Variants in NEK5 observed in about 807,000 individuals in gnomAD.
NEK5 encodes serine/threonine-protein kinase Nek5.
In NEK5, 88 loss-of-function variants were observed where a neutral mutation model predicts 109.2. The observed-to-expected ratio is 0.81, with a 90% CI of 0.68 to 0.96. The LOEUF (loss-of-function observed/expected upper bound fraction) is 0.96. Among genes scored for constraint, NEK5 ranks in the 40% least tolerant of loss-of-function variants. NEK5 has a pLI of 0.00. For synonymous variants in NEK5, 283 were observed against 299.9 expected (o/e 0.94, Z 0.58); for missense variants, 834 against 920.7 (o/e 0.91, Z 1.22).
chr13:52,117,152 C>T (rs1392763348), intron 4 of NEK5, among the ~76,000 whole-genome samples: 8 of 152,188 alleles, frequency 5.3e-5, no homozygotes, highest in Admixed American at 3.3e-4. Context: ...CTCCTGACCT[C>T]AGGTGATCTG....
At chr13:52,052,973 G>A (rs989690080) in intron 22 of NEK5, among the ~76,000 whole-genome samples, 1 of 152,158 alleles carries the variant, frequency 6.6e-6, no homozygotes, top group South Asian at 2.1e-4. Flanking sequence ...AATGGAACAG[G>A]TAATCAAGAG....
Position 52,037,138 on chromosome 13 carries a change from T to A in NEK5, c.2309A>T (p.Glu770Val), listed in dbSNP as rs1566720906. Reference sequence around the variant, plus strand: ...GGTACTGGAGGCCTCTTCTGTTTTTTCTTCCCCTTTGAAAGTAGCGAGTTT... The same window carrying A: ...GGTACTGGAGGCCTCTTCTGTTTTTACTTCCCCTTTGAAAGTAGCGAGTTT... The part of the protein sequence containing the change: ...LEKLATFKGE[E>V]KTEEASSTSK... The change falls in exon 24 of 24, where the codon GAA (glutamate) becomes GTA (valine). Residue 770 changes from glutamate to valine, a missense_variant. By Grantham distance (121) the Glu-to-Val change is moderately radical. Around this residue, in one of 2 missense-constraint regions of NEK5, gnomAD observed 57 missense variants for 96.0 expected, o/e 0.59. Coordinates refer to ENST00000684899, the MANE Select transcript of NEK5 (RefSeq NM_001365552.1). The A allele has an allele frequency of 2.0e-6, 2 of 985,256 alleles. No individual in the cohort carries two copies. The highest frequency in any genetic ancestry group is 3.5e-5 in the African/African-American group (2 of 57,242). The allele number at this position is 985,256 out of a possible 1,614,324, so 61.0% of individuals were successfully genotyped here.
At chr13:52,108,506 C>T in intron 7 of NEK5, 102 bp from the exon 8 acceptor site, 1 of 693,174 alleles carries the variant, frequency 1.4e-6, no homozygotes, top group East Asian at 2.8e-5. Flanking sequence ...ATGGATAACA[C>T]AAGATTTGAT....
intron 22 of NEK5, among the ~76,000 whole-genome samples, chr13:52,061,052 G>A (rs1954610031): frequency 6.6e-6 from 1 of 152,140 alleles, no homozygotes; most frequent in Admixed American, 6.5e-5. Flanking sequence ...ATGATGGTTG[G>A]CTTCCCTTAA....
chr13:52,042,724 T>C (rs1954424245), intron 23 of NEK5, among the ~76,000 whole-genome samples: 1 of 152,114 alleles, frequency 6.6e-6, no homozygotes, highest in Non-Finnish European at 1.5e-5. Context: ...TGAGCAACTT[T>C]TGAATTTGTT....
chr13:52,059,742 G>A (rs1954594355), intron 22 of NEK5, among the ~76,000 whole-genome samples: 1 of 151,626 alleles, frequency 6.6e-6, no homozygotes. Context: ...CTCATAGGTG[G>A]GAATTGAACA....
chr13:52,088,455 A>G (rs1427686405), intron 14 of NEK5, among the ~76,000 whole-genome samples: 1 of 145,514 alleles, frequency 6.9e-6, no homozygotes, highest in East Asian at 2.2e-4. Flanking sequence ...GGCTTTCACC[A>G]TGTTGGTCAG....
chr13:52,101,583 T>G (rs916378233), intron 11 of NEK5, among the ~76,000 whole-genome samples: 1 of 152,154 alleles, frequency 6.6e-6, no homozygotes, highest in African/African-American at 2.4e-5. Flanking sequence ...AAAATAAGTT[T>G]CATCTCATCA....
intron 3 of NEK5, among the ~76,000 whole-genome samples, chr13:52,126,337 T>G (rs908316521): frequency 2.6e-5 from 4 of 152,246 alleles, no homozygotes; most frequent in African/African-American, 9.6e-5. Context: ...TACATATAGT[T>G]TTTCTCTATT....
intron 12 of NEK5, among the ~76,000 whole-genome samples, chr13:52,093,732 G>A (rs1449871855): frequency 1.3e-5 from 2 of 152,056 alleles, no homozygotes; most frequent in Admixed American, 1.3e-4. Context: ...GTACTAGATA[G>A]TATAGTGGTT....
intron 3 of NEK5, among the ~76,000 whole-genome samples, chr13:52,121,713 G>A (rs948040470): frequency 3.3e-5 from 5 of 152,044 alleles, no homozygotes; most frequent in Admixed American, 6.6e-5. Context: ...TTACTTTTGC[G>A]CCAACCTAAT....
chr13:52,127,799 C>T (rs968819376), intron 1 of NEK5, 137 bp from the exon 2 acceptor site: 2 of 255,164 alleles, frequency 7.8e-6, no homozygotes, highest in Admixed American at 1.1e-4. Flanking sequence ...ATAACAATAC[C>T]TGTTTTGCAA....
At chr13:52,095,346 T>C (rs1955384375) in intron 12 of NEK5, among the ~76,000 whole-genome samples, 2 of 152,216 alleles carry the variant, frequency 1.3e-5, no homozygotes, top group South Asian at 2.1e-4. Flanking sequence ...GTAAAAAATA[T>C]AGAAAAGTAT....
chr13:52,124,592 A>G (rs570328532), intron 3 of NEK5, among the ~76,000 whole-genome samples: 2 of 152,264 alleles, frequency 1.3e-5, no homozygotes, highest in South Asian at 4.2e-4. Flanking sequence ...TTTTCTTTGA[A>G]TAAACTCCTA....
intron 17 of NEK5, among the ~76,000 whole-genome samples, chr13:52,081,408 G>C (rs529988703): frequency 1.3e-5 from 2 of 151,912 alleles, no homozygotes; most frequent in South Asian, 4.2e-4. Context: ...TACCAAGGCT[G>C]GTCTCAAACT....
intron 15 of NEK5, among the ~76,000 whole-genome samples, chr13:52,086,753 G>T (rs1251272168): frequency 6.6e-6 from 1 of 152,170 alleles, no homozygotes; most frequent in Non-Finnish European, 1.5e-5. Context: ...GACTACTTAA[G>T]ATGAGATCAT....
At chr13:52,056,900 G>A (rs1329626560) in intron 22 of NEK5, among the ~76,000 whole-genome samples, 1 of 151,906 alleles carries the variant, frequency 6.6e-6, no homozygotes, top group Non-Finnish European at 1.5e-5. Flanking sequence ...AGAAAAGCAA[G>A]AGCAAACACA....
At chr13:52,077,281 C>T (rs1190104208) in intron 17 of NEK5, among the ~76,000 whole-genome samples, 1 of 152,178 alleles carries the variant, frequency 6.6e-6, no homozygotes, top group Non-Finnish European at 1.5e-5. Flanking sequence ...GTATCAGAAA[C>T]CAGATTTAAT....
At chr13:52,052,911 A>G (rs1234589436) in intron 22 of NEK5, among the ~76,000 whole-genome samples, 2 of 152,132 alleles carry the variant, frequency 1.3e-5, no homozygotes, top group African/African-American at 4.8e-5. Flanking sequence ...CTTAAGAGTC[A>G]TCCTTTCAGA....
Sources: allele counts gnomAD v4.1 joint callset (sites outside exome capture counted in the v4.1 genomes callset), GRCh38; gene constraint gnomAD v4.1.1; regional missense constraint gnomAD v4.1.1; transcripts MANE v1.5; gene names NCBI Gene and HGNC (gene_info 2026-07-23, HGNC 2026-07-21).